Variants in ADAD2 observed in about 807,000 individuals in gnomAD.
The protein encoded by ADAD2 is adenosine deaminase domain containing 2, also known as adenosine deaminase domain-containing protein 2.
In ADAD2, 60 loss-of-function variants were observed where a neutral mutation model predicts 54.5. The observed-to-expected ratio is 1.10, with a 90% CI of 0.89 to 1.36. The LOEUF is 1.36. Ranked by LOEUF, ADAD2 falls within the 40% of genes most tolerant of loss-of-function variation. The pLI is 0.00. For missense variants in ADAD2, 1,103 were observed against 801.3 expected, an observed-to-expected ratio of 1.38 and a Z score of -4.54; for synonymous variants, 543 against 366.2, an observed-to-expected ratio of 1.48 and a Z score of -5.51.
At chr16:84,194,217 G>C in intron 1 of ADAD2, 2 of 1,561,770 alleles carry the variant, frequency 1.3e-6, no homozygotes, top group Non-Finnish European at 1.7e-6. Context: ...CTGTGGAGGA[G>C]TTGGGTGAGG....
chr16:84,195,411 C>A lies in ADAD2; in HGVS notation c.849C>A (p.Cys283Ter). ...LEFSGQQLHD[C>*]HGLVIARRAL... ...TCTCGGGCCAGCAGCTCCACGACTG[C>A]CATGGCCTGGTCATCGCCCGCAGGG... The change falls in exon 5 of 10, where the codon TGC becomes TGA. Residue 283 changes from cysteine to a stop codon, truncating the protein, a stop_gained. Transcript: ENST00000315906. LOFTEE classifies it high-confidence loss of function. 1 of 1,609,448 alleles carries A rather than the reference C, an allele frequency of 6.2e-7. No homozygotes were observed.
intron 8 of ADAD2, 42 bp downstream of exon 8, chr16:84,196,412 G>C: frequency 1.3e-6 from 2 of 1,584,986 alleles, no homozygotes; most frequent in Non-Finnish European, 1.7e-6. Context: ...AGCAGTGCTG[G>C]TGATGGAGGG....
In ADAD2 at chr16:84,196,002, G is replaced by A. The variant is rs1339269847; in HGVS notation, c.1240G>A (p.Ala414Thr). The change falls in exon 7 of 10, where the codon GCC becomes ACC. Residue 414 changes from alanine (A) to threonine (T), a missense_variant. By Grantham distance (58) the Ala-to-Thr change is moderately conservative (BLOSUM62 0). Coordinates refer to ENST00000315906, the MANE Select transcript of ADAD2 (RefSeq NM_001145400.2). ...GCTGGGGCTGGGTGGTGCCCTGCTG[G>A]CCCACCTGGTGTCCCCACTCTACAG... ...AVLGLGGALLAHLVSPLYSTS... is the reference protein window; with the variant it reads ...AVLGLGGALLTHLVSPLYSTS... The A allele has an allele frequency of 1.9e-6, 3 of 1,598,860 alleles. No homozygotes were observed. Among genetic ancestry groups the A allele is most frequent in the Non-Finnish European group, 1.7e-6 (2 of 1,179,600 alleles).
chr16:84,192,252 C>G (rs577034860), intron 1 of ADAD2, among the ~76,000 whole-genome samples: 3 of 152,194 alleles, frequency 2.0e-5, no homozygotes, highest in Non-Finnish European at 4.4e-5. Flanking sequence ...TCAAGTGATA[C>G]TCCCGCCTCA....
At position 84,195,146 on chromosome 16, in the gene ADAD2, C is replaced by T. The variant is rs753064802; in HGVS notation, c.685C>T (p.Pro229Ser). ...TGACCTCCTGTTGGACGAGCGCTCG[C>T]CATACTGGGCCTGTAAGGGGACTGT... ...GFDLLLDERS[P>S]YWACKGTVAG... is the part of the protein sequence containing the mutation. Residue 229 changes from proline (P) to serine (S), a missense_variant, in exon 4 of 10, where the codon CCA becomes TCA. Transcript: ENST00000315906. 26 of 1,613,446 alleles carry T rather than the reference C, an allele frequency of 1.6e-5. No homozygotes were observed. Among genetic ancestry groups the T allele is most frequent in the Non-Finnish European group, 2.2e-5 (26 of 1,180,010 alleles).
Position 84,196,211 on chromosome 16 carries a change from C to T in ADAD2, c.1367C>T (p.Pro456Leu). The change falls in exon 8 of 10, where the codon CCA becomes CTA. Residue 456 changes from proline to leucine, a missense_variant. Coordinates refer to ENST00000315906, the MANE Select transcript of ADAD2 (RefSeq NM_001145400.2). ...GACAGTGTCCTGGGGCCATGCCTGCCACCTCCCTACGTCCGGACCGCCCTG... is the reference window on the plus strand; with the variant it reads ...GACAGTGTCCTGGGGCCATGCCTGCTACCTCCCTACGTCCGGACCGCCCTG... ...CLDSVLGPCL[P>L]PPYVRTALHL... is the part of the protein sequence containing the mutation. The T allele has an allele frequency of 6.2e-7, 1 of 1,610,590 alleles. No individual in the cohort carries two copies. The highest frequency in any genetic ancestry group is 8.5e-7 in the Non-Finnish European group (1 of 1,179,898).
At chr16:84,191,819 T>G in intron 1 of ADAD2, 171 bp downstream of exon 1, 1 of 926,608 alleles carries the variant, frequency 1.1e-6, no homozygotes, top group Non-Finnish European at 1.7e-6. Context: ...GACCCTGCTG[T>G]GAGCAGCGAT....
chr16:84,194,202 C>T (rs1454453978), intron 1 of ADAD2: 1 of 1,571,260 alleles, frequency 6.4e-7, no homozygotes, highest in African/African-American at 1.4e-5. Context: ...AGTCACGCAT[C>T]CCTGCTGTGG....
intron 1 of ADAD2, among the ~76,000 whole-genome samples, chr16:84,192,069 T>C (rs1172354662): frequency 2.6e-5 from 4 of 152,246 alleles, no homozygotes; most frequent in Admixed American, 2.6e-4. Context: ...ACCGTGTACA[T>C]GATACAGAGG....
chr16:84,196,572 A>G (rs2089733799), intron 8 of ADAD2, 75 bp from the exon 9 acceptor site: 3 of 1,579,524 alleles, frequency 1.9e-6, no homozygotes, highest in African/African-American at 1.3e-5. Flanking sequence ...GAGAGGAGGT[A>G]GTGTGAGGTG....
chr16:84,196,464 ACCC>A, intron 8 of ADAD2, 94 bp downstream of exon 8: 4 of 699,992 alleles, frequency 5.7e-6, no homozygotes, highest in African/African-American at 6.8e-5. Flanking sequence ...TCCCAGCGCA[ACCC>A]CTTCGCTCAA....
chr16:84,194,338 T>G (rs778276400), intron 1 of ADAD2, 104 bp from the exon 2 acceptor site: 4 of 1,544,370 alleles, frequency 2.6e-6, no homozygotes, highest in Non-Finnish European at 2.6e-6. Flanking sequence ...GAGGGTCTCA[T>G]TATTCTGACC....
intron 2 of ADAD2, 154 bp downstream of exon 2, chr16:84,194,736 C>A (rs13336854): frequency 0.059 from 81,783 of 1,389,242 alleles, 2,702 homozygotes; most frequent in African/African-American, 0.11. Flanking sequence ...CTGCAGGGAG[C>A]TGGGGCGGGG....
In ADAD2 at chr16:84,191,238, C is replaced by T. The variant is rs1469832701; in HGVS notation, c.8C>T (p.Ser3Leu). The T allele has an allele frequency of 2.2e-5, 36 of 1,607,432 alleles. No homozygotes were observed. The highest frequency in any genetic ancestry group is 2.4e-5 in the Non-Finnish European group (28 of 1,176,994). The change falls in exon 1 of 10, where the codon TCG becomes TTG. Residue 3 changes from serine to leucine, a missense_variant. By Grantham distance (145) the Ser-to-Leu change is moderately radical. Transcript: ENST00000315906. MASASQGADDDGS... is the reference protein window; with the variant it reads MALASQGADDDGS... Reference sequence around the variant, plus strand: ...AGATCTTCGTTGGCGGCCATGGCTTCGGCTTCTCAGGGCGCTGACGACGAC... The same window carrying T: ...AGATCTTCGTTGGCGGCCATGGCTTTGGCTTCTCAGGGCGCTGACGACGAC...
At chr16:84,194,111 G>T in intron 1 of ADAD2, 1 of 1,614,092 alleles carries the variant, frequency 6.2e-7, no homozygotes, top group Non-Finnish European at 8.5e-7. Context: ...GGGTGGCGTG[G>T]GCTCTGGAGA....
chr16:84,196,383 C>A lies in ADAD2; in HGVS notation c.1526+13C>A, dbSNP rs1234154393. Reference sequence around the variant, plus strand: ...GTGTGAAGGCCAAGTGAGAAGGGCCCCCTGGGGCCGGGCTGTGGAGCAGTG... The same window carrying A: ...GTGTGAAGGCCAAGTGAGAAGGGCCACCTGGGGCCGGGCTGTGGAGCAGTG... On this transcript the variant is annotated intron_variant, in intron 8 of 9. Transcript: ENST00000315906. 6.2e-7 allele frequency: 1 copy of A among 1,606,060 alleles called. No homozygotes were observed. The highest frequency in any genetic ancestry group is 1.7e-5 in the Admixed American group (1 of 59,292).
At chr16:84,194,786 C>CCGGGG in intron 2 of ADAD2, 147 bp from the exon 3 acceptor site, 1 of 1,265,982 alleles carries the variant, frequency 7.9e-7, no homozygotes, top group Non-Finnish European at 1.1e-6. Flanking sequence ...TCTGGGGACA[C>CCGGGG]CGGGGGTAGG....
chr16:84,193,771 TGTG>T (rs888167878), intron 1 of ADAD2: 71 of 439,578 alleles, frequency 1.6e-4, no homozygotes, highest in African/African-American at 1.3e-3. Flanking sequence ...CACGTCTGTC[TGTG>T]GTTGCTGGTT....
rs534538504 is a variant in ADAD2, at chr16:84,194,953, C to T, written c.580C>T (p.Arg194Trp). The change falls in exon 3 of 10, where the codon CGG becomes TGG. Residue 194 changes from arginine to tryptophan, a missense_variant. Arg to Trp is a moderately radical substitution (Grantham distance 101, BLOSUM62 -3). Transcript: ENST00000315906. ...TTCAGAGTCCCCCCAGACCTCCAGC[C>T]GGCCTCCACTGGCCCCCCTGAGCGT... ...ENPESPQTSS[R>W]PPLAPLSVEN... 358 of 1,612,248 alleles carry T rather than the reference C, an allele frequency of 2.2e-4. 2 individuals carry two copies. In the South Asian group the frequency reaches 3.3e-3, roughly 15 times the overall value.
Sources: gnomAD v4.1 joint callset for allele counts (sites outside exome capture counted in the v4.1 genomes callset) on GRCh38, gnomAD v4.1.1 for gene constraint, MANE v1.5 for transcripts, NCBI Gene and HGNC (gene_info 2026-07-23, HGNC 2026-07-21) for gene names.